RTN3: variants seen among roughly 807,000 people sequenced by gnomAD.
RTN3 encodes the protein reticulon-3.
RTN3 carries 49 observed loss-of-function variants against 77.8 expected under a neutral mutation model. That is an observed-to-expected ratio of 0.63 (90% CI 0.50 to 0.80). RTN3 has a LOEUF of 0.80. Ranked by LOEUF, RTN3 falls within the 30% of genes least tolerant of loss-of-function variation. The pLI is 0.00. For missense variants in RTN3, 1,236 were observed against 1,211.9 expected, an observed-to-expected ratio of 1.02 and a Z score of -0.29; for synonymous variants, 464 against 446.9, an observed-to-expected ratio of 1.04 and a Z score of -0.48.
chr11:63,712,862 G>A (rs891271668), intron 2 of RTN3, among the ~76,000 whole-genome samples: 4 of 152,122 alleles, frequency 2.6e-5, no homozygotes, highest in Admixed American at 1.3e-4. Flanking sequence ...TGGAGAGGCC[G>A]AGGCAGGCGA....
chr11:63,728,276 T>C (rs2012423016), intron 3 of RTN3, among the ~76,000 whole-genome samples: 1 of 152,208 alleles, frequency 6.6e-6, no homozygotes, highest in African/African-American at 2.4e-5. Flanking sequence ...GCAGTGCCCA[T>C]ATGACTGAAC....
intron 1 of RTN3, among the ~76,000 whole-genome samples, chr11:63,701,201 A>C (rs540637534): frequency 6.6e-6 from 1 of 151,306 alleles, no homozygotes; most frequent in African/African-American, 2.4e-5. Flanking sequence ...TGAAGTATTG[A>C]TATCATTTTG....
chr11:63,735,231 C>T (rs2013009046), intron 3 of RTN3, among the ~76,000 whole-genome samples: 1 of 152,146 alleles, frequency 6.6e-6, no homozygotes, highest in South Asian at 2.1e-4. Context: ...CTCAAGTGAT[C>T]TGCCCACCTC....
chr11:63,750,485 T>C, intron 4 of RTN3: 1 of 339,380 alleles, frequency 2.9e-6, no homozygotes. Flanking sequence ...CGGATATTGC[T>C]CTTGTTGCCC....
intron 1 of RTN3, among the ~76,000 whole-genome samples, chr11:63,696,446 G>A (rs1023266695): frequency 2.6e-5 from 4 of 151,718 alleles, no homozygotes; most frequent in African/African-American, 7.3e-5. Flanking sequence ...GGTGGCTCAC[G>A]CCTGTAATCC....
chr11:63,705,225 C>T (rs548654008), intron 2 of RTN3, among the ~76,000 whole-genome samples: 15 of 152,266 alleles, frequency 9.9e-5, no homozygotes, highest in African/African-American at 3.4e-4. Context: ...CAGTTGCTCA[C>T]ACCTGTAATC....
intron 3 of RTN3, among the ~76,000 whole-genome samples, chr11:63,726,592 A>G (rs1056105196): frequency 2.7e-4 from 41 of 152,290 alleles, no homozygotes; most frequent in African/African-American, 9.4e-4. Context: ...GCCGGGTGCA[A>G]TGGCCCACGC....
chr11:63,715,791 T>G (rs1038587529), intron 2 of RTN3, among the ~76,000 whole-genome samples: 1 of 152,232 alleles, frequency 6.6e-6, no homozygotes, highest in Non-Finnish European at 1.5e-5. Context: ...CTTAGTTCAC[T>G]GAATGTTTTG....
At chr11:63,715,896 C>A (rs979739703) in intron 2 of RTN3, among the ~76,000 whole-genome samples, 6 of 152,208 alleles carry the variant, frequency 3.9e-5, no homozygotes, top group African/African-American at 9.6e-5. Context: ...CTTCACACTT[C>A]AGATTTTTGA....
chr11:63,738,539 G>T (rs1190187057), intron 3 of RTN3, among the ~76,000 whole-genome samples: 2 of 151,788 alleles, frequency 1.3e-5, no homozygotes, highest in African/African-American at 4.8e-5. Flanking sequence ...CTACTTGGGA[G>T]GCTGAGGCAG....
At chr11:63,718,247 A>T (rs1318812319) in intron 2 of RTN3, among the ~76,000 whole-genome samples, 3 of 152,194 alleles carry the variant, frequency 2.0e-5, no homozygotes, top group African/African-American at 4.8e-5. Context: ...AGATTTATAG[A>T]GGCAGTCTGT....
chr11:63,694,860 A>G (rs982196113), intron 1 of RTN3, among the ~76,000 whole-genome samples: 6 of 152,234 alleles, frequency 3.9e-5, no homozygotes, highest in African/African-American at 1.4e-4. Context: ...TAGATTGCAT[A>G]TGCATTTACT....
At chr11:63,703,616 C>T (rs1210802393) in intron 1 of RTN3, among the ~76,000 whole-genome samples, 3 of 150,876 alleles carry the variant, frequency 2.0e-5, no homozygotes, top group Admixed American at 1.3e-4. Flanking sequence ...GATCTCGGCT[C>T]ACTGCAAGCT....
rs35837590 is a variant in RTN3, at chr11:63,683,943, C to CTTTTTTTTTTTTTTTTTTTTTTTTT, written c.142+2170_142+2194dup. On this transcript the variant is annotated intron_variant, in intron 1 of 8. Coordinates refer to ENST00000377819, the MANE Select transcript of RTN3 (RefSeq NM_001265589.2). ...TATTTCTTTCTCTTTTCTTTTCTTT[C>CTTTTTTTTTTTTTTTTTTTTTTTTT]TTTTTTTTTTTTTTTTTTTTTTTTT... is the stretch of plus-strand genomic sequence containing the variant. Among the ~76,000 whole-genome samples the CTTTTTTTTTTTTTTTTTTTTTTTTT allele has an allele frequency of 4.6e-4, 27 of 58,954 alleles. 8 individuals carry two copies. Among genetic ancestry groups the CTTTTTTTTTTTTTTTTTTTTTTTTT allele is most frequent in the African/African-American group, 1.9e-3 (26 of 13,342 alleles). The allele number at this position is 58,954 out of a possible 152,430, so 38.7% of individuals were successfully genotyped here.
intron 1 of RTN3, 72 bp downstream of exon 1, chr11:63,681,850 G>A: frequency 7.0e-7 from 1 of 1,422,372 alleles, no homozygotes; most frequent in Non-Finnish European, 9.2e-7. Flanking sequence ...GGGATTAGGA[G>A]GCGAGGCGGG....
chr11:63,698,353 T>C (rs1285691888), intron 1 of RTN3, among the ~76,000 whole-genome samples: 1 of 152,148 alleles, frequency 6.6e-6, no homozygotes, highest in Non-Finnish European at 1.5e-5. Context: ...CTCAAACTGC[T>C]GAGGTCAAGC....
In RTN3 at chr11:63,681,582, C is replaced by A; in HGVS notation, c.-55C>A. The A allele has an allele frequency of 6.6e-7, 1 of 1,507,812 alleles. No homozygotes were observed. Among genetic ancestry groups the A allele is most frequent in the South Asian group, 1.3e-5 (1 of 78,854 alleles). The allele number at this position is 1,507,812 out of a possible 1,614,324, so 93.4% of individuals were successfully genotyped here. ...TGCCGGATTATTCTATTTCCCCTCC[C>A]TCTCTCCCGCCCCGTATCTCTTTTC... On this transcript the variant is annotated 5_prime_UTR_variant, in exon 1 of 9. Coordinates refer to ENST00000377819, the MANE Select transcript of RTN3 (RefSeq NM_001265589.2).
At chr11:63,747,392 T>C (rs1418158883) in intron 3 of RTN3, among the ~76,000 whole-genome samples, 1 of 152,204 alleles carries the variant, frequency 6.6e-6, no homozygotes, top group Non-Finnish European at 1.5e-5. Context: ...AGTTCTTCTG[T>C]TCAATCTCTT....
rs568897774 is a variant in RTN3 at position 63,755,638 on chromosome 11, C to A, written c.2995-474C>A. Among the ~76,000 whole-genome samples the A allele has an allele frequency of 3.4e-3, 98 of 28,808 alleles. 1 individual carries two copies. The South Asian group carries it at 0.05, about 15-fold the overall frequency. 18.9% of individuals were successfully genotyped at this position (28,808 alleles called of 152,430 possible). A position where few individuals can be genotyped will look rare whatever the true frequency, so the allele number is the denominator to read the frequency against. ...TGCACTCCAGCCTGGACAACAAGAA[C>A]AAAATTCCATCTCAAAAAAAAAAAA... On this transcript the variant is annotated intron_variant, in intron 7 of 8. Transcript: ENST00000377819.
Sources: allele counts gnomAD v4.1 joint callset (sites outside exome capture counted in the v4.1 genomes callset), GRCh38; gene constraint gnomAD v4.1.1; transcripts MANE v1.5; gene names NCBI Gene and HGNC (gene_info 2026-07-23, HGNC 2026-07-21).